The following CHN2 variants were observed in gnomAD, a reference collection of about 807,000 sequenced individuals.
The protein encoded by CHN2 is beta-chimaerin.
CHN2 carries 35 observed loss-of-function variants against 56.3 expected under a neutral mutation model. The observed-to-expected ratio is 0.62, with a 90% confidence interval of 0.47 to 0.82. The LOEUF (loss-of-function observed/expected upper bound fraction) is 0.82, where lower values mean the gene tolerates loss of function less well. Among genes scored for constraint, CHN2 ranks in the 40% least tolerant of loss-of-function variants. The probability of loss-of-function intolerance (pLI) is 0.00; values close to 1 mark genes in which losing one functional copy is unlikely to be tolerated. For missense variants in CHN2, 491 were observed against 580.5 expected (o/e 0.85, Z 1.58); for synonymous variants, 210 against 212.8 (o/e 0.99, Z 0.12).
chr7:29,489,223 G>A (rs1480234049), intron 7 of CHN2, among the ~76,000 whole-genome samples: 3 of 152,134 alleles, frequency 2.0e-5, no homozygotes, highest in Non-Finnish European at 4.4e-5. Context: ...CTTATCTCGT[G>A]TAATATCATC....
At chr7:29,476,574 TACAC>T in intron 6 of CHN2, among the ~76,000 whole-genome samples, 1 of 143,280 alleles carries the variant, frequency 7.0e-6, no homozygotes, top group South Asian at 2.2e-4. Flanking sequence ...AAAAAAAAAA[TACAC>T]ATATATATGC....
Position 29,361,820 on chromosome 7 carries a change from CTTG to C in CHN2, c.89-6108_89-6106del, listed in dbSNP as rs201446904. Among the ~76,000 whole-genome samples, 910 of 152,328 alleles carry C rather than the reference CTTG, an allele frequency of 6.0e-3. 11 individuals are homozygous for C. The highest frequency in any genetic ancestry group is 0.021 in the African/African-American group (880 of 41,566). On this transcript the variant is annotated intron_variant, in intron 2 of 12. Transcript: ENST00000222792. ...GCTCAGGGTCTCTTTGTAAACCAGT[CTTG>C]TTGATTCTCTTTTGAATCTCTGAGG...
chr7:29,413,186 T>G (rs1803410162), intron 6 of CHN2, among the ~76,000 whole-genome samples: 1 of 152,246 alleles, frequency 6.6e-6, no homozygotes, highest in African/African-American at 2.4e-5. Flanking sequence ...AGTCCCCATT[T>G]ATGAACTTAA....
In CHN2 at chr7:29,212,901, G is replaced by T. The variant is rs1227287248; in HGVS notation, c.49+17911G>T. 15 of 1,610,608 alleles carry T rather than the reference G, an allele frequency of 9.3e-6. No individual in the cohort carries two copies. The Admixed American group carries it at 2.0e-4, about 21-fold the overall frequency. On this transcript the variant is annotated intron_variant, in intron 1 of 12. Coordinates refer to ENST00000222792, the MANE Select transcript of CHN2 (RefSeq NM_004067.4). ...TTCCAATGTGGAGCAACCAGACCTG[G>T]AACAATTCATCCTGGAGCAACCAGA...
At chr7:29,158,267 T>G (rs569392595) in intron 2 of CHN2, among the ~76,000 whole-genome samples, 1 of 152,318 alleles carries the variant, frequency 6.6e-6, no homozygotes, top group South Asian at 2.1e-4. Context: ...GAAAAGCAGT[T>G]TATAGCACAC....
At chr7:29,437,597 C>CAAAAAAAAAAAAAAAAAAAAAAA (rs11436612) in intron 6 of CHN2, among the ~76,000 whole-genome samples, 11 of 52,550 alleles carry the variant, frequency 2.1e-4, no homozygotes, top group East Asian at 4.2e-4. Flanking sequence ...GACTCCGTCT[C>CAAAAAAAAAAAAAAAAAAAAAAA]AAAAAAAAAA....
At chr7:29,241,905 C>T (rs997243552) in intron 1 of CHN2, among the ~76,000 whole-genome samples, 3 of 152,156 alleles carry the variant, frequency 2.0e-5, no homozygotes, top group Admixed American at 6.5e-5. Flanking sequence ...AGCCACCATC[C>T]ACCTAGGCAA....
intron 1 of CHN2, among the ~76,000 whole-genome samples, chr7:29,286,716 G>A (rs1792177301): frequency 6.6e-6 from 1 of 152,178 alleles, no homozygotes; most frequent in South Asian, 2.1e-4. Context: ...GAGATGCTGT[G>A]ATTCCACAAT....
At chr7:29,163,787 A>G (rs1198838077) in intron 2 of CHN2, among the ~76,000 whole-genome samples, 2 of 152,208 alleles carry the variant, frequency 1.3e-5, no homozygotes, top group South Asian at 2.1e-4. Flanking sequence ...AAATACAATT[A>G]TATTAATTGG....
chr7:29,437,223 A>G (rs1783292487), intron 6 of CHN2, among the ~76,000 whole-genome samples: 1 of 152,238 alleles, frequency 6.6e-6, no homozygotes, highest in Non-Finnish European at 1.5e-5. Context: ...AAGATTTAAG[A>G]AAACATTTGT....
intron 1 of CHN2, chr7:29,212,659 T>C (rs1785043366): frequency 1.4e-6 from 2 of 1,447,836 alleles, no homozygotes; most frequent in African/African-American, 2.8e-5. Context: ...AGAAATACCT[T>C]AGCCTCCAGC....
intron 1 of CHN2, among the ~76,000 whole-genome samples, chr7:29,244,179 G>A (rs1787895950): frequency 1.3e-5 from 2 of 152,038 alleles, no homozygotes; most frequent in Admixed American, 1.3e-4. Flanking sequence ...GATGCTCTCG[G>A]GCTGTCATTT....
intron 2 of CHN2, among the ~76,000 whole-genome samples, chr7:29,361,918 G>T (rs1419896042): frequency 6.6e-6 from 1 of 152,208 alleles, no homozygotes; most frequent in Admixed American, 6.5e-5. Context: ...AACCTCATCT[G>T]TGTACCAGTA....
At chr7:29,381,499 C>G (rs1215886508) in intron 3 of CHN2, among the ~76,000 whole-genome samples, 1 of 152,062 alleles carries the variant, frequency 6.6e-6, no homozygotes, top group East Asian at 1.9e-4. Flanking sequence ...GGAAGAAGGG[C>G]TGGATAGAGG....
intron 3 of CHN2, among the ~76,000 whole-genome samples, chr7:29,390,414 G>A (rs552810224): frequency 6.6e-6 from 1 of 152,352 alleles, no homozygotes; most frequent in East Asian, 1.9e-4. Flanking sequence ...GGATTGACCA[G>A]CTGCAGCTGC....
At chr7:29,438,812 G>C (rs572459791) in intron 6 of CHN2, among the ~76,000 whole-genome samples, 2 of 152,294 alleles carry the variant, frequency 1.3e-5, no homozygotes, top group South Asian at 4.1e-4. Flanking sequence ...ATTACTGGTT[G>C]ATTAAACAAC....
At chr7:29,331,997 G>GC (rs1796257359) in intron 1 of CHN2, among the ~76,000 whole-genome samples, 1 of 142,088 alleles carries the variant, frequency 7.0e-6, no homozygotes, top group South Asian at 2.4e-4. Context: ...GGGCAACAGA[G>GC]CGAGACTCTG....
intron 1 of CHN2, among the ~76,000 whole-genome samples, chr7:29,270,521 A>G (rs375016836): frequency 3.1e-4 from 45 of 143,204 alleles, no homozygotes; most frequent in African/African-American, 1.1e-3. Flanking sequence ...AAAATTAGCC[A>G]GGCCTGGTGG....
At chr7:29,427,573 G>A (rs773020009) in intron 6 of CHN2, among the ~76,000 whole-genome samples, 86 of 151,224 alleles carry the variant, frequency 5.7e-4, no homozygotes, top group Non-Finnish European at 1.1e-3. Flanking sequence ...CTGTTTATCC[G>A]CTACCAACTC....
Sources: gnomAD v4.1 joint callset for allele counts (sites outside exome capture counted in the v4.1 genomes callset) on GRCh38, gnomAD v4.1.1 for gene constraint, MANE v1.5 for transcripts, NCBI Gene and HGNC (gene_info 2026-07-23, HGNC 2026-07-21) for gene names.